OLFML2B: variants seen among roughly 807,000 people sequenced by gnomAD.
OLFML2B encodes the protein olfactomedin like 2B.
Under a neutral mutation model 74.9 loss-of-function variants are expected in OLFML2B, and 57 were observed. That is an observed-to-expected ratio of 0.76 (90% CI 0.61 to 0.95). The LOEUF is 0.95. Among genes scored for constraint, OLFML2B ranks in the 40% least tolerant of loss-of-function variants. The pLI is 0.00. For synonymous variants in OLFML2B, 388 were observed against 405.8 expected (o/e 0.96, Z 0.53); for missense variants, 986 against 970.6 (o/e 1.02, Z -0.21).
Position 162,020,035 on chromosome 1 carries a change from T to C in OLFML2B, c.322A>G (p.Ile108Val). ...CACTTGCACGACGAGCCTGAGGTGATGGTTTCCACGGTATAGAAGTCTTCC... is the reference window on the plus strand; with the variant it reads ...CACTTGCACGACGAGCCTGAGGTGACGGTTTCCACGGTATAGAAGTCTTCC... The part of the protein sequence containing the change: ...RKEDFYTVET[I>V]TSGSSCKCAC... The change falls in exon 2 of 8, where the codon ATC becomes GTC. Residue 108 changes from isoleucine (I) to valine (V), a missense_variant. Physicochemically the swap from Ile to Val is conservative, Grantham distance 29. Coordinates refer to ENST00000294794, the MANE Select transcript of OLFML2B (RefSeq NM_015441.3). 3 of 1,614,154 alleles carry C rather than the reference T, an allele frequency of 1.9e-6. No homozygotes were observed. The highest frequency in any genetic ancestry group is 1.3e-5 in the African/African-American group (1 of 75,050).
At chr1:162,004,972 C>T (rs1690179736) in intron 4 of OLFML2B, among the ~76,000 whole-genome samples, 1 of 152,212 alleles carries the variant, frequency 6.6e-6, no homozygotes, top group Non-Finnish European at 1.5e-5. Flanking sequence ...TGCTGCCATC[C>T]CCTGGCTGCC....
Position 162,017,398 on chromosome 1 carries a change from A to G in OLFML2B, c.546+2T>C, listed in dbSNP as rs1264879010. ...AGATATAGAAACCAGAATCTTCCTT[A>G]CCTCCTCCAGTTTATCCACTCGCCC... On this transcript the variant is annotated splice_donor_variant, in intron 3 of 7. Transcript: ENST00000294794. LOFTEE classifies it high-confidence loss of function. 6.2e-7 allele frequency: 1 copy of G among 1,607,206 alleles called. No homozygotes were observed. Among genetic ancestry groups the G allele is most frequent in the Admixed American group, 1.7e-5 (1 of 59,264 alleles).
chr1:162,020,166 T>G lies in OLFML2B; in HGVS notation c.191A>C (p.Asp64Ala). 6.2e-7 allele frequency: 1 copy of G among 1,614,076 alleles called. No individual in the cohort carries two copies. Among genetic ancestry groups the G allele is most frequent in the South Asian group, 1.1e-5 (1 of 91,078 alleles). ...GCCCTCAGACATAGCCTTGACCTTG[T>G]CATAGTCCCCCAGCAACTAGACACA... is the stretch of plus-strand genomic sequence containing the variant. ...NVLSQLLGDY[D>A]KVKAMSEGSD... The change falls in exon 2 of 8, where the codon GAC becomes GCC. Residue 64 changes from aspartate to alanine, a missense_variant. By Grantham distance (126) the Asp-to-Ala change is moderately radical. Transcript: ENST00000294794.
intron 6 of OLFML2B, among the ~76,000 whole-genome samples, chr1:161,987,684 A>G (rs12087774): frequency 0.21 from 31,702 of 152,080 alleles, 3,499 homozygotes; most frequent in African/African-American, 0.24. Context: ...TTAGCAACTA[A>G]GCTTGTGGCA....
intron 6 of OLFML2B, among the ~76,000 whole-genome samples, chr1:161,995,769 T>C (rs753074553): frequency 6.6e-6 from 1 of 152,134 alleles, no homozygotes; most frequent in African/African-American, 2.4e-5. Context: ...TCTGGAAAAC[T>C]GTGGTAGGGG....
At chr1:162,012,213 G>C (rs1201444922) in intron 3 of OLFML2B, among the ~76,000 whole-genome samples, 3 of 152,186 alleles carry the variant, frequency 2.0e-5, no homozygotes, top group Admixed American at 6.5e-5. Flanking sequence ...GATCAGGAGA[G>C]TGAGCCCTGG....
chr1:162,016,787 T>G (rs1170813832), intron 3 of OLFML2B, among the ~76,000 whole-genome samples: 1 of 152,112 alleles, frequency 6.6e-6, no homozygotes, highest in Non-Finnish European at 1.5e-5. Flanking sequence ...CACACACCAC[T>G]AGATGAAAAC....
Position 162,006,399 on chromosome 1 carries a change from A to G in OLFML2B, c.621T>C (p.Asn207=). ...CAGAGCAATTTTCTTTGCCTCGCTT[A>G]TTCATCTCGGTTCGAATTTCTTCCA... is the stretch of plus-strand genomic sequence containing the variant. ...EDMEEIRTEM[N]KRGKENCSEN... The change falls in exon 4 of 8, where the codon AAT becomes AAC. Residue 207 remains asparagine (N), a synonymous_variant. Coordinates refer to ENST00000294794, the MANE Select transcript of OLFML2B (RefSeq NM_015441.3). The G allele has an allele frequency of 1.9e-6, 3 of 1,611,144 alleles. No homozygotes were observed. Among genetic ancestry groups the G allele is most frequent in the Non-Finnish European group, 2.5e-6 (3 of 1,179,364 alleles).
chr1:162,006,193 C>G (rs1690224344), intron 4 of OLFML2B, 104 bp downstream of exon 4: 2 of 1,105,482 alleles, frequency 1.8e-6, no homozygotes, highest in African/African-American at 3.2e-5. Context: ...GCGAGCTCAT[C>G]TCTGTGAAAG....
At chr1:161,993,695 C>G (rs548856533) in intron 6 of OLFML2B, among the ~76,000 whole-genome samples, 1 of 152,344 alleles carries the variant, frequency 6.6e-6, no homozygotes, top group South Asian at 2.1e-4. Flanking sequence ...GGGCTGCCTT[C>G]CATTCCCTGC....
intron 3 of OLFML2B, among the ~76,000 whole-genome samples, chr1:162,011,539 G>C (rs1571306497): frequency 6.6e-6 from 1 of 152,232 alleles, no homozygotes; most frequent in African/African-American, 2.4e-5. Context: ...TGGCAGGACA[G>C]GCAGGCCATG....
In OLFML2B at chr1:161,997,948, G is replaced by C; in HGVS notation, c.1351C>G (p.Pro451Ala). ...GTTCTGACTGTGGTGGGAGGCACTG[G>C]GACTGTGTGCATAGCTTCCATCAAT... is the stretch of plus-strand genomic sequence containing the variant. ...EALMEAMHTV[P>A]VPPTTVRTDS... The change falls in exon 6 of 8, where the codon CCA (proline) becomes GCA (alanine). Residue 451 changes from proline to alanine, a missense_variant. Coordinates refer to ENST00000294794, the MANE Select transcript of OLFML2B (RefSeq NM_015441.3). The C allele has an allele frequency of 6.2e-7, 1 of 1,614,218 alleles. No homozygotes were observed. Among genetic ancestry groups the C allele is most frequent in the Non-Finnish European group, 8.5e-7 (1 of 1,180,046 alleles).
intron 3 of OLFML2B, among the ~76,000 whole-genome samples, chr1:162,011,566 C>T (rs944086191): frequency 1.3e-5 from 2 of 152,174 alleles, no homozygotes; most frequent in Non-Finnish European, 2.9e-5. Context: ...TCCCTCCGAC[C>T]ACAGCTGATG....
At chr1:162,009,875 G>A (rs1052728413) in intron 3 of OLFML2B, among the ~76,000 whole-genome samples, 1 of 152,200 alleles carries the variant, frequency 6.6e-6, no homozygotes, top group African/African-American at 2.4e-5. Flanking sequence ...ATTCTCAGGA[G>A]ATGCAGGGGA....
chr1:162,002,928 T>C (rs931562841), intron 4 of OLFML2B, among the ~76,000 whole-genome samples: 13 of 152,244 alleles, frequency 8.5e-5, no homozygotes, highest in Non-Finnish European at 2.9e-5. Context: ...CCCTTTGTAT[T>C]ATTTTTAACC....
At chr1:161,997,100 T>C (rs555388142) in intron 6 of OLFML2B, among the ~76,000 whole-genome samples, 157 of 152,108 alleles carry the variant, frequency 1.0e-3, no homozygotes, top group African/African-American at 3.4e-3. Context: ...GAGCTTGCAG[T>C]GAGCCAAGAT....
intron 3 of OLFML2B, among the ~76,000 whole-genome samples, chr1:162,007,928 C>G (rs970251924): frequency 1.2e-4 from 19 of 152,196 alleles, no homozygotes; most frequent in African/African-American, 4.6e-4. Flanking sequence ...AAGCCAGCCT[C>G]TCTAAATTGC....
Position 161,998,195 on chromosome 1 carries a change from G to C in OLFML2B, c.1104C>G (p.Thr368=). 2.5e-6 allele frequency: 4 copies of C among 1,614,024 alleles called. No homozygotes were observed. Among genetic ancestry groups the C allele is most frequent in the Non-Finnish European group, 3.4e-6 (4 of 1,180,030 alleles). ...TAVTSDLNAR[T]APWSSALPQP... The stretch of plus-strand genomic sequence containing the variant: ...GTGGCAGTGCTGAGGACCAGGGTGC[G>C]GTCCGAGCGTTCAGGTCGCTTGTCA... Residue 368 remains threonine (T), a synonymous_variant, in exon 6 of 8, where the codon ACC becomes ACG. Coordinates refer to ENST00000294794, the MANE Select transcript of OLFML2B (RefSeq NM_015441.3).
chr1:162,017,461 TC>T lies in OLFML2B; in HGVS notation c.484del (p.Asp162IlefsTer3), dbSNP rs759170923. 2 of 1,613,526 alleles carry T rather than the reference TC, an allele frequency of 1.2e-6. No individual in the cohort carries two copies. The highest frequency in any genetic ancestry group is 1.7e-6 in the Non-Finnish European group (2 of 1,179,792). The part of the protein sequence containing the change: ...DMLEGAFYGL[D>X]LLKLHSVTTK... ...GGTGACTGAATGTAGCTTCAGGAGA[TC>T]CAGGCCATAGAACGCTCCTTCCAAC... On this transcript the variant is annotated frameshift_variant, in exon 3 of 8. Coordinates refer to ENST00000294794, the MANE Select transcript of OLFML2B (RefSeq NM_015441.3). LOFTEE classifies it high-confidence loss of function.
Sources: allele counts gnomAD v4.1 joint callset (sites outside exome capture counted in the v4.1 genomes callset), GRCh38; gene constraint gnomAD v4.1.1; transcripts MANE v1.5; gene names NCBI Gene and HGNC (gene_info 2026-07-23, HGNC 2026-07-21).